CACNA1B: variants seen among roughly 807,000 people sequenced by gnomAD.
CACNA1B encodes the protein voltage-dependent N-type calcium channel subunit alpha-1B.
In CACNA1B, 70 loss-of-function variants were observed where a neutral mutation model predicts 247.2. The observed-to-expected ratio is 0.28, with a 90% confidence interval of 0.23 to 0.35. The LOEUF is 0.35. Among genes scored for constraint, CACNA1B ranks in the 10% least tolerant of loss-of-function variants. The pLI, the probability that CACNA1B is intolerant of heterozygous loss-of-function variation, is 1.00. For missense variants in CACNA1B, 2,367 were observed against 3,197.4 expected (o/e 0.74, Z 6.26); for synonymous variants, 1,231 against 1,294.4 (o/e 0.95, Z 1.05).
At position 138,012,963 on chromosome 9, in the gene CACNA1B, G is replaced by T. The variant is rs879258601; in HGVS notation, c.2161-166G>T. Among the ~76,000 whole-genome samples, 2 of 152,100 alleles carry T rather than the reference G, an allele frequency of 1.3e-5. No individual in the cohort carries two copies. The highest frequency in any genetic ancestry group is 4.1e-4 in the South Asian group (2 of 4,828). ...AGACAGCTCCTGTGGAACAGGTCGT[G>T]GGGGGCCACATTCACTCAGGGGTTG... is the stretch of plus-strand genomic sequence containing the variant. On this transcript the variant is annotated intron_variant, in intron 17 of 46. Transcript: ENST00000371372. The surrounding 1 kb of genome is among the most constrained non-coding windows in gnomAD (Gnocchi z 4.2).
Position 138,073,880 on chromosome 9 carries a change from A to G in CACNA1B, c.4792-121A>G, listed in dbSNP as rs1960219389. Reference sequence around the variant, plus strand: ...CACTTGGTGGAGGGGCTTGGTGGCCAGTGGGATGGAGCTTGAGTAGGCTGA... The same window carrying G: ...CACTTGGTGGAGGGGCTTGGTGGCCGGTGGGATGGAGCTTGAGTAGGCTGA... On this transcript the variant is annotated intron_variant, in intron 33 of 46. Coordinates refer to ENST00000371372, the MANE Select transcript of CACNA1B (RefSeq NM_000718.4). The surrounding 1 kb of genome is among the most constrained non-coding windows in gnomAD (Gnocchi z 6.4). 7.8e-6 allele frequency: 6 copies of G among 769,486 alleles called. No homozygotes were observed. Among genetic ancestry groups the G allele is most frequent in the Non-Finnish European group, 2.2e-6 (1 of 444,634 alleles). The allele number at this position is 769,486 out of a possible 1,614,324, so 47.7% of individuals were successfully genotyped here. A position where few individuals can be genotyped will look rare whatever the true frequency, so the allele number is the denominator to read the frequency against.
chr9:137,892,543 C>A (rs532677490), intron 3 of CACNA1B: 2 of 367,880 alleles, frequency 5.4e-6, no homozygotes, highest in African/African-American at 4.2e-5. Context: ...CTGTCATCAG[C>A]CTCTGGGCCT....
rs551897718 is a variant in CACNA1B, at chr9:137,990,596, C to T, written c.1974+3742C>T. Among the ~76,000 whole-genome samples the T allele has an allele frequency of 2.0e-5, 3 of 151,736 alleles. No individual in the cohort carries two copies. Among genetic ancestry groups the T allele is most frequent in the East Asian group, 3.9e-4 (2 of 5,166 alleles). On this transcript the variant is annotated intron_variant, in intron 15 of 46. Transcript: ENST00000371372. This position sits in a 1 kb window ranked among gnomAD's most constrained non-coding sequence, Gnocchi z 4.5. ...CAGCCGAGGACCCTCACAGAGTCCA[C>T]TTCACTCCCCTGCTACCCCCACCAG... is the stretch of plus-strand genomic sequence containing the variant.
At chr9:138,036,403 T>C (rs1959046282) in intron 20 of CACNA1B, among the ~76,000 whole-genome samples, 1 of 152,230 alleles carries the variant, frequency 6.6e-6, no homozygotes, top group South Asian at 2.1e-4. Flanking sequence ...CCTCCCAAAG[T>C]GCTGGGATTA....
chr9:137,882,252 C>T lies in CACNA1B; in HGVS notation c.391-492C>T, dbSNP rs1272355862. On this transcript the variant is annotated intron_variant, in intron 2 of 46. Coordinates refer to ENST00000371372, the MANE Select transcript of CACNA1B (RefSeq NM_000718.4). This position sits in a 1 kb window ranked among gnomAD's most constrained non-coding sequence, Gnocchi z 4.0. ...AGGCTGCTGTGGCCTCTGCCTGGCT[C>T]CTGGGCATCTCTGTGCCTCTGTCTC... Among the ~76,000 whole-genome samples the T allele has an allele frequency of 6.6e-6, 1 of 152,216 alleles. No individual in the cohort carries two copies. Among genetic ancestry groups the T allele is most frequent in the Non-Finnish European group, 1.5e-5 (1 of 68,026 alleles).
chr9:138,089,815 G>A (rs748555078), intron 36 of CACNA1B, among the ~76,000 whole-genome samples: 19 of 152,290 alleles, frequency 1.2e-4, no homozygotes, highest in South Asian at 4.1e-4. Flanking sequence ...AAAATCAGTA[G>A]TGTGTCTGTA....
At chr9:138,032,049 CTCTT>C (rs1278094526) in intron 20 of CACNA1B, among the ~76,000 whole-genome samples, 1 of 151,854 alleles carries the variant, frequency 6.6e-6, no homozygotes, top group Non-Finnish European at 1.5e-5. Context: ...TTTTGTTTTT[CTCTT>C]TCTGTTTTTC....
rs1956937235 is a variant in CACNA1B, at chr9:137,882,518, A to G, written c.391-226A>G. Among the ~76,000 whole-genome samples, 1 of 152,122 alleles carries G rather than the reference A, an allele frequency of 6.6e-6. No individual in the cohort carries two copies. The highest frequency in any genetic ancestry group is 2.4e-5 in the African/African-American group (1 of 41,418). ...GGCATGACTGGGATGTTGCTGCTGTAAACAGTGGTGTCCCCATTAGGGGAC... is the reference window on the plus strand; with the variant it reads ...GGCATGACTGGGATGTTGCTGCTGTGAACAGTGGTGTCCCCATTAGGGGAC... On this transcript the variant is annotated intron_variant, in intron 2 of 46. Coordinates refer to ENST00000371372, the MANE Select transcript of CACNA1B (RefSeq NM_000718.4). The surrounding 1 kb of genome is among the most constrained non-coding windows in gnomAD (Gnocchi z 4.0).
At chr9:138,043,726 G>A (rs199754769) in intron 20 of CACNA1B, 48 bp from the exon 21 acceptor site, 5 of 1,609,536 alleles carry the variant, frequency 3.1e-6, no homozygotes, top group Non-Finnish European at 4.2e-6. Flanking sequence ...CGCAACGTGG[G>A]CTTCATGTGC....
chr9:138,002,549 A>C lies in CACNA1B; in HGVS notation c.1975-4218A>C, dbSNP rs1014510450. Among the ~76,000 whole-genome samples, 11 of 150,678 alleles carry C rather than the reference A, an allele frequency of 7.3e-5. No homozygotes were observed. The East Asian group carries it at 2.1e-3, about 29-fold the overall frequency. On this transcript the variant is annotated intron_variant, in intron 15 of 46. Coordinates refer to ENST00000371372, the MANE Select transcript of CACNA1B (RefSeq NM_000718.4). The stretch of plus-strand genomic sequence containing the variant: ...ACATAATGAAAGCCCATATCCAAAA[A>C]AAAAAAAAAAAAAAATAGCTGATGG...
At chr9:137,949,165 C>T (rs376049287) in intron 6 of CACNA1B, among the ~76,000 whole-genome samples, 96 of 104,998 alleles carry the variant, frequency 9.1e-4, no homozygotes, top group Middle Eastern at 9.6e-3. Context: ...GTGGTGTGTG[C>T]GCTTGTGTGT....
Position 138,023,637 on chromosome 9 carries a change from G to C in CACNA1B, c.2894G>C (p.Gly965Ala), listed in dbSNP as rs1401050640. 24 of 1,365,860 alleles carry C rather than the reference G, an allele frequency of 1.8e-5. No individual in the cohort carries two copies. The highest frequency in any genetic ancestry group is 2.0e-5 in the Non-Finnish European group (21 of 1,051,934). 84.6% of individuals were successfully genotyped at this position (1,365,860 alleles called of 1,614,324 possible). A position where few individuals can be genotyped will look rare whatever the true frequency, so the allele number is the denominator to read the frequency against. The change falls in exon 19 of 47, where the codon GGG becomes GCG. Residue 965 changes from glycine to alanine, a missense_variant. Coordinates refer to ENST00000371372, the MANE Select transcript of CACNA1B (RefSeq NM_000718.4). The stretch of plus-strand genomic sequence containing the variant: ...CGGCACCGCGGCGGCCCCCGAGCGG[G>C]GCCCCGGGAGGCGGAGAGCGGGGAG... ...RARHRGGPRA[G>A]PREAESGEEP...
chr9:137,926,268 C>T (rs1317853521), intron 6 of CACNA1B, among the ~76,000 whole-genome samples: 2 of 152,166 alleles, frequency 1.3e-5, no homozygotes, highest in South Asian at 4.1e-4. Flanking sequence ...TGGGGTTTCA[C>T]TATCTTGGCC....
Position 138,121,661 on chromosome 9 carries a change from C to A in CACNA1B, c.6682C>A (p.Leu2228Ile), listed in dbSNP as rs1261963493. The change falls in exon 47 of 47, where the codon CTC becomes ATC. Residue 2228 changes from leucine (L) to isoleucine (I), a missense_variant. Leu to Ile is a conservative substitution (Grantham distance 5). Transcript: ENST00000371372. The surrounding 1 kb of genome is among the most constrained non-coding windows in gnomAD (Gnocchi z 6.8). ...CCTCCCTGCCTTCTCCCCAGGCCGG[C>A]TCAGCCGTGGGCTTTCCGAACACAA... Reference protein sequence around the residue: ...TSLPAFSPGRLSRGLSEHNAL... With the variant: ...TSLPAFSPGRISRGLSEHNAL... 1.2e-6 allele frequency: 2 copies of A among 1,613,036 alleles called. No individual in the cohort carries two copies. Among genetic ancestry groups the A allele is most frequent in the Non-Finnish European group, 1.7e-6 (2 of 1,179,368 alleles).
chr9:137,896,391 A>G (rs778062769), intron 3 of CACNA1B, among the ~76,000 whole-genome samples: 4 of 152,130 alleles, frequency 2.6e-5, no homozygotes, highest in Non-Finnish European at 5.9e-5. Flanking sequence ...TGGTATGATC[A>G]TGTGATGTTT....
chr9:137,947,725 C>T (rs906139800), intron 6 of CACNA1B, among the ~76,000 whole-genome samples: 1 of 151,944 alleles, frequency 6.6e-6, no homozygotes, highest in Admixed American at 6.6e-5. Flanking sequence ...TCTGGGTTGA[C>T]CGTTCTTTTC....
chr9:138,024,936 T>C lies in CACNA1B; in HGVS notation c.3069-19T>C, dbSNP rs200651296. ...TGTGAGCCACTGCGCCGAGGCCTGA[T>C]GTACATTCTTGATTGCAGGGAGCCA... On this transcript the variant is annotated intron_variant, in intron 19 of 46. Transcript: ENST00000371372. 1.3e-6 allele frequency: 2 copies of C among 1,538,002 alleles called. No homozygotes were observed. The highest frequency in any genetic ancestry group is 1.8e-6 in the Non-Finnish European group (2 of 1,132,438).
chr9:137,958,217 C>T lies in CACNA1B; in HGVS notation c.1333+530C>T, dbSNP rs7861086. Among the ~76,000 whole-genome samples the T allele has an allele frequency of 9.4e-3, 1,424 of 152,228 alleles. 26 individuals are homozygous for T. Among genetic ancestry groups the T allele is most frequent in the African/African-American group, 0.032 (1,338 of 41,536 alleles). ...TATGAGACAGAACTCTTTAATAAAA[C>T]AGGAAACACACACACACTCATGCGT... On this transcript the variant is annotated intron_variant, in intron 10 of 46. Transcript: ENST00000371372.
chr9:137,913,058 G>A lies in CACNA1B; in HGVS notation c.531-122G>A, dbSNP rs1024590573. The A allele has an allele frequency of 1.5e-5, 11 of 732,428 alleles. No homozygotes were observed. Among genetic ancestry groups the A allele is most frequent in the Admixed American group, 4.4e-5 (2 of 45,872 alleles). 45.4% of individuals were successfully genotyped at this position (732,428 alleles called of 1,614,324 possible). Reference sequence around the variant, plus strand: ...TGCTGGCCCTGTGGTTGGACAGTGGGGACACAGGAATGAAGGTGTCACTGC... The same window carrying A: ...TGCTGGCCCTGTGGTTGGACAGTGGAGACACAGGAATGAAGGTGTCACTGC... On this transcript the variant is annotated intron_variant, in intron 3 of 46. Coordinates refer to ENST00000371372, the MANE Select transcript of CACNA1B (RefSeq NM_000718.4). The surrounding 1 kb of genome is among the most constrained non-coding windows in gnomAD (Gnocchi z 5.2).
Sources: gnomAD v4.1 joint callset for allele counts (sites outside exome capture counted in the v4.1 genomes callset) on GRCh38, gnomAD v4.1.1 for gene constraint, Gnocchi (gnomAD v3.1) non-coding constraint, MANE v1.5 for transcripts, NCBI Gene and HGNC (gene_info 2026-07-23, HGNC 2026-07-21) for gene names.